Variants in PMEPA1 observed in about 807,000 individuals in gnomAD.
PMEPA1 encodes the protein prostate transmembrane protein, androgen induced 1.
In PMEPA1, 11 loss-of-function variants were observed where a neutral mutation model predicts 23.0. The observed-to-expected ratio is 0.48, with a 90% confidence interval of 0.30 to 0.79. PMEPA1 has a LOEUF of 0.79. Among genes scored for constraint, PMEPA1 ranks in the 30% least tolerant of loss-of-function variants. The pLI, the probability that PMEPA1 is intolerant of heterozygous loss-of-function variation, is 0.06. For missense variants in PMEPA1, 377 were observed against 390.9 expected, an observed-to-expected ratio of 0.96 and a Z score of 0.30; for synonymous variants, 204 against 166.4, an observed-to-expected ratio of 1.23 and a Z score of -1.74.
At chr20:57,679,424 G>A (rs1298934731) in intron 1 of PMEPA1, among the ~76,000 whole-genome samples, 1 of 152,210 alleles carries the variant, frequency 6.6e-6, no homozygotes. Context: ...ACGTGAACTT[G>A]AAACGATTCA....
chr20:57,654,289 G>A (rs1048701028), intron 2 of PMEPA1, among the ~76,000 whole-genome samples: 11 of 152,094 alleles, frequency 7.2e-5, no homozygotes, highest in Admixed American at 6.5e-4. Context: ...AATTTGGTTC[G>A]GGCATATATT....
rs1050739101 is a variant in PMEPA1 at position 57,666,260 on chromosome 20, C to T, written c.110-6563G>A. Among the ~76,000 whole-genome samples the T allele has an allele frequency of 3.0e-4, 46 of 152,072 alleles. 4 individuals are homozygous for T. The highest frequency in any genetic ancestry group is 6.5e-5 in the Admixed American group (1 of 15,280). On this transcript the variant is annotated intron_variant, in intron 1 of 3. Transcript: ENST00000341744. ...ACAGGCACAGTCCCTCTGGGAGGTG[C>T]GGGCACAGCTCTGCCCTGTCCTGTT...
chr20:57,654,801 G>A (rs1228428150), intron 2 of PMEPA1, among the ~76,000 whole-genome samples: 1 of 152,174 alleles, frequency 6.6e-6, no homozygotes, highest in Non-Finnish European at 1.5e-5. Context: ...GGGCTGGCGA[G>A]CCTGCGTGTC....
chr20:57,705,712 G>A (rs2072073397), intron 1 of PMEPA1, among the ~76,000 whole-genome samples: 2 of 152,178 alleles, frequency 1.3e-5, no homozygotes, highest in South Asian at 4.1e-4. Flanking sequence ...CTGCCCTCTG[G>A]CCCTCAAGCC....
chr20:57,652,068 T>C lies in PMEPA1; in HGVS notation c.849A>G (p.Lys283=). The C allele has an allele frequency of 6.6e-7, 1 of 1,508,788 alleles. No individual in the cohort carries two copies. 93.5% of individuals were successfully genotyped at this position (1,508,788 alleles called of 1,614,324 possible). A position where few individuals can be genotyped will look rare whatever the true frequency, so the allele number is the denominator to read the frequency against. Residue 283 remains lysine (K), a synonymous_variant, in exon 4 of 4, where the codon AAA becomes AAG. Transcript: ENST00000341744. The surrounding 1 kb of genome is among the most constrained non-coding windows in gnomAD (Gnocchi z 6.1). The part of the protein sequence containing the change: ...AIWSKEKDKQ[K]GHPL Reference sequence around the variant, plus strand: ...CCTGGGGACCCTAGAGAGGGTGTCCTTTCTGTTTATCCTTCTCTTTGCTCC... The same window carrying C: ...CCTGGGGACCCTAGAGAGGGTGTCCCTTCTGTTTATCCTTCTCTTTGCTCC...
chr20:57,650,559 C>A lies in PMEPA1; in HGVS notation c.*1494G>T, dbSNP rs1013467341. ...AAAACCTGGAGAACAAGAGCGGAGTCTAAGAGAGATGTAAATGAAAACACA... is the reference window on the plus strand; with the variant it reads ...AAAACCTGGAGAACAAGAGCGGAGTATAAGAGAGATGTAAATGAAAACACA... On this transcript the variant is annotated 3_prime_UTR_variant, in exon 4 of 4. Coordinates refer to ENST00000341744, the MANE Select transcript of PMEPA1 (RefSeq NM_020182.5). 2.0e-5 allele frequency: 3 copies of A among 152,254 alleles called. No homozygotes were observed. The highest frequency in any genetic ancestry group is 4.4e-5 in the Non-Finnish European group (3 of 68,058). 9.4% of individuals were successfully genotyped at this position (152,254 alleles called of 1,614,324 possible). A position where few individuals can be genotyped will look rare whatever the true frequency, so the allele number is the denominator to read the frequency against.
chr20:57,664,421 C>T (rs1437238372), intron 1 of PMEPA1, among the ~76,000 whole-genome samples: 1 of 152,246 alleles, frequency 6.6e-6, no homozygotes, highest in Non-Finnish European at 1.5e-5. Flanking sequence ...CGTGAATCCA[C>T]CAGCAAAGAC....
chr20:57,651,842 T>G lies in PMEPA1; in HGVS notation c.*211A>C. On this transcript the variant is annotated 3_prime_UTR_variant, in exon 4 of 4. Coordinates refer to ENST00000341744, the MANE Select transcript of PMEPA1 (RefSeq NM_020182.5). The stretch of plus-strand genomic sequence containing the variant: ...GCTCAACAAAGAAACGTGGTTTTTT[T>G]TTTTCTTTTTTCTTTTTTTTTTTGC... 3 of 364,760 alleles carry G rather than the reference T, an allele frequency of 8.2e-6. No homozygotes were observed. Among genetic ancestry groups the G allele is most frequent in the East Asian group, 4.0e-5 (1 of 25,044 alleles). The allele number at this position is 364,760 out of a possible 1,614,324, so 22.6% of individuals were successfully genotyped here.
At chr20:57,666,462 A>G (rs1287842986) in intron 1 of PMEPA1, among the ~76,000 whole-genome samples, 2 of 152,102 alleles carry the variant, frequency 1.3e-5, no homozygotes, top group African/African-American at 4.8e-5. Context: ...AGGTGAGGCG[A>G]CCGCCAAAGA....
In PMEPA1 at chr20:57,704,002, C is replaced by A. The variant is rs1005603114; in HGVS notation, c.109+5472G>T. Among the ~76,000 whole-genome samples the A allele has an allele frequency of 6.6e-6, 1 of 152,180 alleles. No individual in the cohort carries two copies. The highest frequency in any genetic ancestry group is 1.5e-5 in the Non-Finnish European group (1 of 68,020). On this transcript the variant is annotated intron_variant, in intron 1 of 3. Coordinates refer to ENST00000341744, the MANE Select transcript of PMEPA1 (RefSeq NM_020182.5). The surrounding 1 kb of genome is among the most constrained non-coding windows in gnomAD (Gnocchi z 4.6). ...CCAGCAAGTTTTGACGCCTCCATCC[C>A]TCTGGCCCTCGGTCTCACTCCTAAC...
At chr20:57,664,492 T>C (rs2071466034) in intron 1 of PMEPA1, among the ~76,000 whole-genome samples, 1 of 152,252 alleles carries the variant, frequency 6.6e-6, no homozygotes, top group Non-Finnish European at 1.5e-5. Context: ...CAAAACATGA[T>C]GTGTGTATGA....
At chr20:57,668,736 C>T (rs867576685) in intron 1 of PMEPA1, among the ~76,000 whole-genome samples, 1 of 152,384 alleles carries the variant, frequency 6.6e-6, no homozygotes, top group East Asian at 1.9e-4. Context: ...GCTCCTCCCC[C>T]ATGTGCTCTG....
At chr20:57,698,814 G>C (rs1568684996) in intron 1 of PMEPA1, among the ~76,000 whole-genome samples, 2 of 151,478 alleles carry the variant, frequency 1.3e-5, no homozygotes, top group African/African-American at 4.9e-5. Flanking sequence ...TACATATAGA[G>C]GCACACACAC....
At chr20:57,691,675 C>G (rs2071883800) in intron 1 of PMEPA1, 1 of 152,170 alleles carries the variant, frequency 6.6e-6, no homozygotes, top group Non-Finnish European at 1.5e-5. Flanking sequence ...GGGAATAGGA[C>G]AGGGGAGGCA....
intron 1 of PMEPA1, among the ~76,000 whole-genome samples, chr20:57,666,658 C>G (rs150871130): frequency 2.6e-5 from 4 of 152,216 alleles, no homozygotes; most frequent in African/African-American, 9.6e-5. Flanking sequence ...TCGCCCCCAA[C>G]GCAGTCCATG....
At chr20:57,687,531 G>A (rs1348502771) in intron 1 of PMEPA1, among the ~76,000 whole-genome samples, 1 of 152,176 alleles carries the variant, frequency 6.6e-6, no homozygotes, top group Non-Finnish European at 1.5e-5. Flanking sequence ...TTCTCAAAGA[G>A]CCCAGCCCTG....
intron 1 of PMEPA1, among the ~76,000 whole-genome samples, chr20:57,681,914 C>T (rs900633353): frequency 6.6e-6 from 1 of 152,196 alleles, no homozygotes; most frequent in African/African-American, 2.4e-5. Flanking sequence ...ATCCCTCATT[C>T]TCAGCACAAG....
chr20:57,673,619 T>C (rs1206277149), intron 1 of PMEPA1, among the ~76,000 whole-genome samples: 2 of 152,198 alleles, frequency 1.3e-5, no homozygotes, highest in Non-Finnish European at 2.9e-5. Flanking sequence ...TAGTAACTAC[T>C]GTGGTGTCAA....
intron 1 of PMEPA1, chr20:57,699,866 A>C (rs2071987842): frequency 5.4e-6 from 2 of 373,552 alleles, no homozygotes; most frequent in South Asian, 2.0e-5. Context: ...TCCGTGGTGG[A>C]CTCCAACAAG....
Sources: allele counts gnomAD v4.1 joint callset (sites outside exome capture counted in the v4.1 genomes callset), GRCh38; gene constraint gnomAD v4.1.1; non-coding constraint Gnocchi (gnomAD v3.1); transcripts MANE v1.5; gene names NCBI Gene and HGNC (gene_info 2026-07-23, HGNC 2026-07-21).